The following PARD3B variants were observed in gnomAD, a reference collection of about 807,000 sequenced individuals.
The protein encoded by PARD3B is par-3 family cell polarity regulator beta, also known as partitioning defective 3 homolog B.
Under a neutral mutation model 130.2 loss-of-function variants are expected in PARD3B, and 103 were observed. The observed-to-expected ratio is 0.79, with a 90% CI of 0.67 to 0.93. PARD3B has a LOEUF of 0.93. Among genes scored for constraint, PARD3B ranks in the 40% least tolerant of loss-of-function variants. PARD3B has a pLI of 0.00. For missense variants in PARD3B, 1,609 were observed against 1,499.2 expected, an observed-to-expected ratio of 1.07 and a Z score of -1.21; for synonymous variants, 583 against 553.2, an observed-to-expected ratio of 1.05 and a Z score of -0.76.
intron 1 of PARD3B, among the ~76,000 whole-genome samples, chr2:204,619,282 T>C (rs2034214778): frequency 6.6e-6 from 1 of 152,186 alleles, no homozygotes. Flanking sequence ...CTTCAAGCTC[T>C]CTGAAAGCTG....
chr2:205,483,947 T>C (rs1052740292), intron 20 of PARD3B, among the ~76,000 whole-genome samples: 1 of 152,140 alleles, frequency 6.6e-6, no homozygotes, highest in African/African-American at 2.4e-5. Flanking sequence ...ATGTACAACA[T>C]AACACAACGC....
intron 22 of PARD3B, among the ~76,000 whole-genome samples, chr2:205,578,305 T>C (rs1337086354): frequency 3.9e-5 from 6 of 152,218 alleles, no homozygotes; most frequent in Non-Finnish European, 5.9e-5. Context: ...ATTAATATCA[T>C]GTCATCCAAA....
At chr2:204,986,752 A>G (rs1304937787) in intron 3 of PARD3B, among the ~76,000 whole-genome samples, 2 of 152,126 alleles carry the variant, frequency 1.3e-5, no homozygotes, top group Non-Finnish European at 2.9e-5. Flanking sequence ...GACCTTTTCG[A>G]TGGGTAATTT....
chr2:205,293,142 A>G (rs2041669985), intron 16 of PARD3B, among the ~76,000 whole-genome samples: 1 of 152,196 alleles, frequency 6.6e-6, no homozygotes, highest in Non-Finnish European at 1.5e-5. Context: ...TTAACCTTAA[A>G]AAATACAGGT....
intron 18 of PARD3B, among the ~76,000 whole-genome samples, chr2:205,333,171 G>A (rs1361726288): frequency 6.6e-6 from 1 of 152,076 alleles, no homozygotes; most frequent in East Asian, 1.9e-4. Flanking sequence ...TAGGTGAGAG[G>A]GGAATGAGAA....
rs377368236 is a variant in PARD3B, at chr2:204,749,892, A to G, written c.222+63610A>G. ...AAACCTTGTTTTAATGTCTAATAAG[A>G]TAAATTTCTACATGTGGAAAATATT... On this transcript the variant is annotated intron_variant, in intron 2 of 22. Coordinates refer to ENST00000406610, the MANE Select transcript of PARD3B (RefSeq NM_001302769.2). Among the ~76,000 whole-genome samples the G allele has an allele frequency of 2.0e-5, 3 of 152,324 alleles. No individual in the cohort carries two copies. The East Asian group carries it at 5.8e-4, about 29-fold the overall frequency.
Position 205,515,712 on chromosome 2 carries a change from A to G in PARD3B, c.3180+15681A>G, listed in dbSNP as rs2050767752. On this transcript the variant is annotated intron_variant, in intron 21 of 22. Transcript: ENST00000406610. ...TGGATATTAAACATTTGTCAGATGC[A>G]TAGTTTGCAAATATTTTCTCCCATT... Among the ~76,000 whole-genome samples, 3 of 152,066 alleles carry G rather than the reference A, an allele frequency of 2.0e-5. No homozygotes were observed. The South Asian group carries it at 6.2e-4, about 31-fold the overall frequency.
At chr2:204,722,809 G>C (rs773575636) in intron 2 of PARD3B, among the ~76,000 whole-genome samples, 4 of 152,116 alleles carry the variant, frequency 2.6e-5, no homozygotes, top group Non-Finnish European at 5.9e-5. Context: ...GCAGGACACT[G>C]TCCTGCAGCT....
At chr2:205,593,148 G>T (rs2054448440) in intron 22 of PARD3B, among the ~76,000 whole-genome samples, 1 of 152,172 alleles carries the variant, frequency 6.6e-6, no homozygotes, top group Non-Finnish European at 1.5e-5. Flanking sequence ...TTTTTTAAGA[G>T]TAAGCATTTG....
intron 21 of PARD3B, among the ~76,000 whole-genome samples, chr2:205,524,210 TTC>T (rs1260765224): frequency 6.6e-6 from 1 of 152,198 alleles, no homozygotes; most frequent in African/African-American, 2.4e-5. Flanking sequence ...CTTTTTTGTG[TTC>T]TTTTTATTGA....
chr2:205,354,751 G>A (rs546812498), intron 18 of PARD3B, among the ~76,000 whole-genome samples: 104 of 152,240 alleles, frequency 6.8e-4, no homozygotes, highest in African/African-American at 1.8e-3. Flanking sequence ...TTAGAACTGC[G>A]CAGGGATCTT....
intron 5 of PARD3B, among the ~76,000 whole-genome samples, chr2:205,112,944 G>C (rs1162567489): frequency 6.6e-6 from 1 of 152,180 alleles, no homozygotes; most frequent in Non-Finnish European, 1.5e-5. Context: ...AAGCAAGTTT[G>C]AGTTTTGATT....
At chr2:204,942,193 A>G (rs1688955697) in intron 2 of PARD3B, among the ~76,000 whole-genome samples, 1 of 152,244 alleles carries the variant, frequency 6.6e-6, no homozygotes, top group Non-Finnish European at 1.5e-5. Context: ...GCTAAAATGA[A>G]TAACTAAGAC....
intron 18 of PARD3B, among the ~76,000 whole-genome samples, chr2:205,319,747 G>T (rs1168710780): frequency 1.3e-5 from 2 of 152,164 alleles, no homozygotes; most frequent in African/African-American, 4.8e-5. Flanking sequence ...ATTCTTGATT[G>T]TGAGAAATCC....
chr2:205,577,221 C>G (rs1047658741), intron 22 of PARD3B, among the ~76,000 whole-genome samples: 3 of 151,922 alleles, frequency 2.0e-5, no homozygotes, highest in Non-Finnish European at 4.4e-5. Context: ...GATTTTCTAC[C>G]TAGATGATCA....
chr2:205,222,063 T>A (rs1052948263), intron 15 of PARD3B, among the ~76,000 whole-genome samples: 4 of 151,632 alleles, frequency 2.6e-5, no homozygotes, highest in Non-Finnish European at 5.9e-5. Flanking sequence ...TACACAAGTA[T>A]ACCTAGGTAA....
Position 205,553,400 on chromosome 2 carries a change from C to G in PARD3B, c.3257C>G (p.Pro1086Arg), listed in dbSNP as rs773814037. 1.2e-5 allele frequency: 20 copies of G among 1,613,608 alleles called. No individual in the cohort carries two copies. In the East Asian group the frequency reaches 4.0e-4, roughly 32 times the overall value. ...ATGGAGAGGCAGTACGCATCCTTAC[C>G]CAGGTAGATCACGGAGAGGTCTCCC... is the stretch of plus-strand genomic sequence containing the variant. Reference protein sequence around the residue: ...EGMERQYASLPRGGPADPVDY... With the variant: ...EGMERQYASLRRGGPADPVDY... The change falls in exon 22 of 23, where the codon CCC becomes CGC. Residue 1086 changes from proline (P) to arginine (R), a missense_variant. Transcript: ENST00000406610.
At chr2:205,210,325 C>G (rs1201909844) in intron 15 of PARD3B, among the ~76,000 whole-genome samples, 1 of 151,942 alleles carries the variant, frequency 6.6e-6, no homozygotes, top group Non-Finnish European at 1.5e-5. Context: ...TAATTTTTCT[C>G]AAGTGATTGT....
At chr2:204,978,965 CAAA>C (rs34432147) in intron 3 of PARD3B, among the ~76,000 whole-genome samples, 9 of 74,908 alleles carry the variant, frequency 1.2e-4, no homozygotes, top group Admixed American at 3.2e-4. Flanking sequence ...ACCCTGGCCT[CAAA>C]AAAAAAAAAA....
Sources: gnomAD v4.1 joint callset for allele counts (sites outside exome capture counted in the v4.1 genomes callset) on GRCh38, gnomAD v4.1.1 for gene constraint, MANE v1.5 for transcripts, NCBI Gene and HGNC (gene_info 2026-07-23, HGNC 2026-07-21) for gene names.